Variants in PCBP3 observed in about 807,000 individuals in gnomAD.
PCBP3 encodes poly(rC) binding protein 3.
In PCBP3, 25 loss-of-function variants were observed where a neutral mutation model predicts 52.7. That is an observed-to-expected ratio of 0.47 (90% CI 0.35 to 0.66). The LOEUF is 0.66. PCBP3 is among the 30% of genes least tolerant of loss of function. The pLI is 0.01. For missense variants in PCBP3, 391 were observed against 490.3 expected (o/e 0.80, Z 1.91); for synonymous variants, 162 against 183.0 (o/e 0.89, Z 0.93).
intron 16 of PCBP3, among the ~76,000 whole-genome samples, chr21:45,938,425 C>T (rs191391644): frequency 8.9e-4 from 135 of 152,312 alleles, no homozygotes; most frequent in African/African-American, 3.0e-3. Flanking sequence ...CCTCCCCATG[C>T]GGGCCGTGCT....
At chr21:45,777,795 A>G (rs1569210526) in intron 4 of PCBP3, among the ~76,000 whole-genome samples, 1 of 151,470 alleles carries the variant, frequency 6.6e-6, no homozygotes, top group Non-Finnish European at 1.5e-5. Context: ...TAAATTTCCC[A>G]TTTATATAAT....
chr21:45,653,805 CTCTTT>C (rs1249131264), intron 1 of PCBP3, among the ~76,000 whole-genome samples: 1 of 151,926 alleles, frequency 6.6e-6, no homozygotes, highest in African/African-American at 2.4e-5. Flanking sequence ...TTATTTTTCT[CTCTTT>C]TCTTGCATTA....
At chr21:45,749,197 T>G (rs79770066) in intron 3 of PCBP3, among the ~76,000 whole-genome samples, 1 of 152,146 alleles carries the variant, frequency 6.6e-6, no homozygotes, top group Non-Finnish European at 1.5e-5. Flanking sequence ...CAGCCCATAG[T>G]TGCCCGTTTT....
rs556661181 is a variant in PCBP3 at position 45,699,919 on chromosome 21, A to T, written c.-200+30967A>T. ...CAGCCAAACCATATCATTCCGCCCC[A>T]GCCCCTCTCAAATCTCATGTCTTCA... On this transcript the variant is annotated intron_variant, in intron 2 of 17. Coordinates refer to ENST00000681687, the MANE Select transcript of PCBP3 (RefSeq NM_001384156.1). Among the ~76,000 whole-genome samples, 20 of 152,280 alleles carry T rather than the reference A, an allele frequency of 1.3e-4. 1 individual carries two copies. The highest frequency in any genetic ancestry group is 4.8e-4 in the African/African-American group (20 of 41,558).
chr21:45,870,774 G>A (rs1239654112), intron 5 of PCBP3: 2 of 152,592 alleles, frequency 1.3e-5, no homozygotes, highest in Non-Finnish European at 2.9e-5. Flanking sequence ...CCAGCTGCGT[G>A]TGTCCAGCTA....
chr21:45,888,175 C>T (rs2095566627), intron 5 of PCBP3, among the ~76,000 whole-genome samples: 2 of 152,218 alleles, frequency 1.3e-5, no homozygotes. Flanking sequence ...GAGCCGGGCC[C>T]TCCTCCTGCT....
At chr21:45,757,596 C>G (rs914736414) in intron 4 of PCBP3, among the ~76,000 whole-genome samples, 1 of 152,148 alleles carries the variant, frequency 6.6e-6, no homozygotes, top group African/African-American at 2.4e-5. Context: ...AAACTACTGG[C>G]TAATCCGAGG....
intron 4 of PCBP3, among the ~76,000 whole-genome samples, chr21:45,774,113 A>T (rs2090077392): frequency 6.6e-6 from 1 of 152,126 alleles, no homozygotes; most frequent in African/African-American, 2.4e-5. Context: ...CGCATCTAAA[A>T]GTTTTATGGG....
chr21:45,655,202 C>T (rs914504235), intron 1 of PCBP3, among the ~76,000 whole-genome samples: 5 of 152,004 alleles, frequency 3.3e-5, no homozygotes, highest in South Asian at 2.1e-4. Context: ...TATGTTTTCA[C>T]TTGTCTTGGT....
chr21:45,862,444 T>A (rs2094546314), intron 5 of PCBP3, among the ~76,000 whole-genome samples: 1 of 152,158 alleles, frequency 6.6e-6, no homozygotes, highest in Non-Finnish European at 1.5e-5. Flanking sequence ...GCTAAAAAGA[T>A]ATAAAAACAC....
chr21:45,815,024 GGTGA>G (rs1480822832), intron 4 of PCBP3, among the ~76,000 whole-genome samples: 3 of 120,472 alleles, frequency 2.5e-5, no homozygotes, highest in Non-Finnish European at 1.7e-5. Context: ...ATGAGTGAGT[GGTGA>G]GTGAGTGATG....
At chr21:45,862,788 C>T (rs935371480) in intron 5 of PCBP3, among the ~76,000 whole-genome samples, 20 of 152,234 alleles carry the variant, frequency 1.3e-4, no homozygotes, top group Non-Finnish European at 2.9e-4. Context: ...CCAGTGGCTT[C>T]TCTTTGCATT....
In PCBP3 at chr21:45,900,926, A is replaced by G. The variant is rs1275652014; in HGVS notation, c.223-71A>G. On this transcript the variant is annotated intron_variant, in intron 8 of 17. Transcript: ENST00000681687. ...ATGTGTTTGTGTCAATTGTCAACGGACTTGCGGCCCCCGACCCACTGGCCC... is the reference window on the plus strand; with the variant it reads ...ATGTGTTTGTGTCAATTGTCAACGGGCTTGCGGCCCCCGACCCACTGGCCC... 13 of 1,025,254 alleles carry G rather than the reference A, an allele frequency of 1.3e-5. 1 individual carries two copies. Among genetic ancestry groups the G allele is most frequent in the African/African-American group, 4.7e-5 (3 of 63,630 alleles). The allele number at this position is 1,025,254 out of a possible 1,614,324, so 63.5% of individuals were successfully genotyped here.
chr21:45,889,205 CAG>C (rs1050598250), intron 5 of PCBP3, among the ~76,000 whole-genome samples: 27 of 152,204 alleles, frequency 1.8e-4, no homozygotes, highest in African/African-American at 6.5e-4. Context: ...ACAGGGGCTT[CAG>C]AGACGGTGGA....
At chr21:45,727,328 T>C (rs1327299322) in intron 2 of PCBP3, among the ~76,000 whole-genome samples, 1 of 152,238 alleles carries the variant, frequency 6.6e-6, no homozygotes, top group African/African-American at 2.4e-5. Context: ...TTTGTCAAAA[T>C]CACTTGTTCA....
chr21:45,817,028 G>A lies in PCBP3; in HGVS notation c.-125-32933G>A, dbSNP rs1298928801. Among the ~76,000 whole-genome samples, 1 of 152,140 alleles carries A rather than the reference G, an allele frequency of 6.6e-6. No homozygotes were observed. Among genetic ancestry groups the A allele is most frequent in the Non-Finnish European group, 1.5e-5 (1 of 68,024 alleles). ...CATTCTAATTTTAAGGGACGGCTGTGGTATATGGCACGTCTGTTGTTGCCT... is the reference window on the plus strand; with the variant it reads ...CATTCTAATTTTAAGGGACGGCTGTAGTATATGGCACGTCTGTTGTTGCCT... On this transcript the variant is annotated intron_variant, in intron 4 of 17. Transcript: ENST00000681687. The surrounding 1 kb of genome is among the most constrained non-coding windows in gnomAD (Gnocchi z 4.3).
At chr21:45,937,649 A>G (rs974630417) in intron 16 of PCBP3, among the ~76,000 whole-genome samples, 3 of 152,206 alleles carry the variant, frequency 2.0e-5, no homozygotes, top group African/African-American at 7.2e-5. Context: ...GGAGGCACAC[A>G]AGGGTGAGGA....
chr21:45,832,105 T>C (rs2093465328), intron 4 of PCBP3, among the ~76,000 whole-genome samples: 1 of 152,206 alleles, frequency 6.6e-6, no homozygotes, highest in Admixed American at 6.5e-5. Flanking sequence ...TTATGGTTCT[T>C]GATTGTATAC....
At position 45,802,609 on chromosome 21, in the gene PCBP3, G is replaced by A. The variant is rs564385219; in HGVS notation, c.-126+47157G>A. ...GACAGGCTGACGGAGGAGGAGGACC[G>A]GGCTGGGGGAGGATGGTGGGGCTCT... On this transcript the variant is annotated intron_variant, in intron 4 of 17. Transcript: ENST00000681687. This position sits in a 1 kb window ranked among gnomAD's most constrained non-coding sequence, Gnocchi z 5.1. Among the ~76,000 whole-genome samples, 37 of 152,278 alleles carry A rather than the reference G, an allele frequency of 2.4e-4. No individual in the cohort carries two copies. The South Asian group carries it at 2.7e-3, about 11-fold the overall frequency.
Sources: allele counts gnomAD v4.1 joint callset (sites outside exome capture counted in the v4.1 genomes callset), GRCh38; gene constraint gnomAD v4.1.1; non-coding constraint Gnocchi (gnomAD v3.1); transcripts MANE v1.5; gene names NCBI Gene and HGNC (gene_info 2026-07-23, HGNC 2026-07-21).